DAB1: variants seen among roughly 807,000 people sequenced by gnomAD.
DAB1 encodes disabled homolog 1.
DAB1 carries 15 observed loss-of-function variants against 64.6 expected under a neutral mutation model. The observed-to-expected ratio is 0.23, with a 90% CI of 0.16 to 0.36. The LOEUF (loss-of-function observed/expected upper bound fraction) is 0.36. DAB1 is among the 10% of genes least tolerant of loss of function. The pLI, the probability that DAB1 is intolerant of heterozygous loss-of-function variation, is 1.00. For missense variants in DAB1, 596 were observed against 706.7 expected (o/e 0.84, Z 1.78); for synonymous variants, 235 against 251.9 (o/e 0.93, Z 0.64).
At chr1:57,964,920 C>T (rs72922518) in intron 5 of DAB1, among the ~76,000 whole-genome samples, 2,940 of 150,352 alleles carry the variant, frequency 0.02, 52 homozygotes, top group East Asian at 0.04. Flanking sequence ...ACATTATTTG[C>T]TGGGGGAATA....
chr1:57,127,609 C>T (rs773978089), intron 4 of DAB1, among the ~76,000 whole-genome samples: 2 of 152,148 alleles, frequency 1.3e-5, no homozygotes, highest in Non-Finnish European at 2.9e-5. Flanking sequence ...GTATCCAAAT[C>T]CCTGAGAACA....
chr1:57,533,926 A>G (rs935005757), intron 7 of DAB1, among the ~76,000 whole-genome samples: 3 of 152,162 alleles, frequency 2.0e-5, no homozygotes, highest in African/African-American at 7.2e-5. Flanking sequence ...TAGGGGAACC[A>G]ATTCTATTGT....
chr1:57,710,112 G>A (rs1647010786), intron 6 of DAB1, among the ~76,000 whole-genome samples: 1 of 152,116 alleles, frequency 6.6e-6, no homozygotes, highest in African/African-American at 2.4e-5. Context: ...ATCACCTGAA[G>A]TTATTGGGTG....
At chr1:57,659,630 A>G (rs551775429) in intron 6 of DAB1, among the ~76,000 whole-genome samples, 7 of 152,198 alleles carry the variant, frequency 4.6e-5, no homozygotes, top group African/African-American at 7.2e-5. Context: ...AGTTTTGACT[A>G]TTACTAAGGT....
At chr1:57,813,260 A>AATG (rs1405577067) in intron 6 of DAB1, among the ~76,000 whole-genome samples, 1 of 152,206 alleles carries the variant, frequency 6.6e-6, no homozygotes, top group Non-Finnish European at 1.5e-5. Flanking sequence ...GGAATGGCAA[A>AATG]ATGATAATCA....
chr1:58,377,865 G>A (rs571570254), intron 3 of DAB1, among the ~76,000 whole-genome samples: 2 of 141,548 alleles, frequency 1.4e-5, no homozygotes, highest in East Asian at 4.0e-4. Context: ...ATTTCTTGGA[G>A]GCTTTGCTCA....
At chr1:58,002,791 C>T (rs865810455) in intron 5 of DAB1, among the ~76,000 whole-genome samples, 3 of 152,012 alleles carry the variant, frequency 2.0e-5, no homozygotes, top group South Asian at 2.1e-4. Flanking sequence ...CAAATAAATA[C>T]GAAAACAACA....
At chr1:57,366,734 A>G (rs2100917972) in intron 1 of DAB1, among the ~76,000 whole-genome samples, 1 of 152,318 alleles carries the variant, frequency 6.6e-6, no homozygotes, top group Non-Finnish European at 1.5e-5. Flanking sequence ...CTGACCTTAA[A>G]GATAATGAAA....
At chr1:58,431,452 G>A (rs571300460) in intron 3 of DAB1, among the ~76,000 whole-genome samples, 1 of 151,684 alleles carries the variant, frequency 6.6e-6, no homozygotes, top group Non-Finnish European at 1.5e-5. Context: ...CAGCTACTTG[G>A]GAGGCTGAGG....
At chr1:57,664,176 T>C (rs1646419926) in intron 6 of DAB1, among the ~76,000 whole-genome samples, 1 of 152,186 alleles carries the variant, frequency 6.6e-6, no homozygotes, top group Non-Finnish European at 1.5e-5. Flanking sequence ...ATTTGGTAGA[T>C]ATATTATTAG....
At chr1:57,784,641 A>G (rs1455722992) in intron 6 of DAB1, among the ~76,000 whole-genome samples, 1 of 152,194 alleles carries the variant, frequency 6.6e-6, no homozygotes, top group African/African-American at 2.4e-5. Flanking sequence ...GAACTCTTCA[A>G]TTTCATGAAG....
intron 5 of DAB1, among the ~76,000 whole-genome samples, chr1:57,941,397 T>TG (rs1645102131): frequency 6.6e-6 from 1 of 152,208 alleles, no homozygotes; most frequent in Non-Finnish European, 1.5e-5. Flanking sequence ...GGACTTCTGT[T>TG]TTCTGTCTGT....
chr1:58,222,972 G>A (rs1659255688), intron 4 of DAB1, among the ~76,000 whole-genome samples: 1 of 152,124 alleles, frequency 6.6e-6, no homozygotes, highest in Non-Finnish European at 1.5e-5. Flanking sequence ...GCAGATTCCT[G>A]ATCTGAGTCC....
chr1:58,316,300 C>A (rs966396738), intron 4 of DAB1, among the ~76,000 whole-genome samples: 1 of 152,224 alleles, frequency 6.6e-6, no homozygotes, highest in Non-Finnish European at 1.5e-5. Context: ...GGGTCTGAAT[C>A]TTGGCTCTGT....
chr1:57,550,586 AT>A (rs1482169750), intron 7 of DAB1, among the ~76,000 whole-genome samples: 3 of 150,540 alleles, frequency 2.0e-5, no homozygotes, highest in Non-Finnish European at 4.4e-5. Context: ...CAATCGATCT[AT>A]CATCGATCAG....
At chr1:58,139,280 T>G (rs553638606) in intron 5 of DAB1, among the ~76,000 whole-genome samples, 5 of 152,130 alleles carry the variant, frequency 3.3e-5, no homozygotes, top group African/African-American at 1.2e-4. Flanking sequence ...CTGCCACCCA[T>G]GATGTTTACT....
chr1:57,130,293 A>G (rs1478016706), intron 4 of DAB1, among the ~76,000 whole-genome samples: 1 of 152,146 alleles, frequency 6.6e-6, no homozygotes, highest in Non-Finnish European at 1.5e-5. Flanking sequence ...TCTTTCACCA[A>G]CCCTAAGACA....
chr1:57,003,376 C>A (rs1283672025), intron 14 of DAB1, among the ~76,000 whole-genome samples: 1 of 152,142 alleles, frequency 6.6e-6, no homozygotes, highest in Admixed American at 6.5e-5. Context: ...AGCTACACAC[C>A]AGGACTGTGC....
intron 5 of DAB1, among the ~76,000 whole-genome samples, chr1:57,993,641 G>A (rs991168577): frequency 1.3e-5 from 2 of 152,176 alleles, no homozygotes; most frequent in East Asian, 3.9e-4. Context: ...GAAATGACAC[G>A]GTTTTAGTGG....
Sources: gnomAD v4.1 joint callset for allele counts (sites outside exome capture counted in the v4.1 genomes callset) on GRCh38, gnomAD v4.1.1 for gene constraint, MANE v1.5 for transcripts, NCBI Gene and HGNC (gene_info 2026-07-23, HGNC 2026-07-21) for gene names.